Variants in TGIF1 observed in about 807,000 individuals in gnomAD.
TGIF1 encodes TGFB induced factor homeobox 1.
A neutral mutation model predicts 19.3 loss-of-function variants in TGIF1; 4 were observed. That is an observed-to-expected ratio of 0.21 (90% CI 0.10 to 0.47). The LOEUF (loss-of-function observed/expected upper bound fraction) is 0.47. Ranked by LOEUF, TGIF1 falls within the 20% of genes least tolerant of loss-of-function variation. The pLI, the probability that TGIF1 is intolerant of heterozygous loss-of-function variation, is 0.98. For missense variants in TGIF1, 275 were observed against 341.4 expected, an observed-to-expected ratio of 0.81 and a Z score of 1.53; for synonymous variants, 122 against 129.3, an observed-to-expected ratio of 0.94 and a Z score of 0.38.
intron 1 of TGIF1, chr18:3,455,774 CAT>C (rs778596730): frequency 3.8e-4 from 61 of 159,502 alleles, no homozygotes; most frequent in Non-Finnish European, 7.4e-4. Context: ...AAAATTTTAA[CAT>C]GTGTTTTACC....
At chr18:3,420,388 AAAAAT>A (rs2082386151) in intron 2 of TGIF1, among the ~76,000 whole-genome samples, 1 of 152,146 alleles carries the variant, frequency 6.6e-6, no homozygotes, top group Non-Finnish European at 1.5e-5. Flanking sequence ...CTCTCAAAAA[AAAAAT>A]AATATTAATA....
intron 2 of TGIF1, among the ~76,000 whole-genome samples, chr18:3,444,082 G>A (rs1236299416): frequency 6.6e-6 from 1 of 151,240 alleles, no homozygotes; most frequent in East Asian, 2.0e-4. Flanking sequence ...CTACAGGCGC[G>A]TGCCACCACT....
chr18:3,451,513 A>G lies in TGIF1; in HGVS notation c.16+1008A>G, dbSNP rs915750283. On this transcript the variant is annotated intron_variant, in intron 1 of 2. Coordinates refer to ENST00000343820, the MANE Select transcript of TGIF1 (RefSeq NM_003244.4). This position sits in a 1 kb window ranked among gnomAD's most constrained non-coding sequence, Gnocchi z 5.4. ...TGATTTATGTGGAGTGGTTCAAAACAGAAGTTAATCACTCGGGAAGCGGAC... is the reference window on the plus strand; with the variant it reads ...TGATTTATGTGGAGTGGTTCAAAACGGAAGTTAATCACTCGGGAAGCGGAC... 8 of 995,676 alleles carry G rather than the reference A, an allele frequency of 8.0e-6. No individual in the cohort carries two copies. Among genetic ancestry groups the G allele is most frequent in the Non-Finnish European group, 9.6e-6 (8 of 837,510 alleles). The allele number at this position is 995,676 out of a possible 1,614,324, so 61.7% of individuals were successfully genotyped here. A position where few individuals can be genotyped will look rare whatever the true frequency, so the allele number is the denominator to read the frequency against.
chr18:3,414,743 A>C (rs1254306565), intron 1 of TGIF1, among the ~76,000 whole-genome samples: 1 of 152,052 alleles, frequency 6.6e-6, no homozygotes, highest in Non-Finnish European at 1.5e-5. Flanking sequence ...ATTTTTTTTC[A>C]TCAAAACCCC....
At chr18:3,422,414 G>A (rs2082412244) in intron 2 of TGIF1, among the ~76,000 whole-genome samples, 1 of 150,356 alleles carries the variant, frequency 6.7e-6, no homozygotes, top group Admixed American at 6.6e-5. Context: ...TTAGTGTTGT[G>A]ACAAAGTCAA....
chr18:3,412,663 C>T (rs975137246), intron 1 of TGIF1, among the ~76,000 whole-genome samples: 7 of 152,156 alleles, frequency 4.6e-5, no homozygotes, highest in Non-Finnish European at 8.8e-5. Flanking sequence ...AGTGGGCCCC[C>T]AGGACCTGGC....
chr18:3,445,499 C>A (rs188812206), upstream of TGIF1, among the ~76,000 whole-genome samples: 6 of 150,942 alleles, frequency 4.0e-5, no homozygotes, highest in Non-Finnish European at 7.4e-5. Flanking sequence ...CTGAGGCGGG[C>A]GGATCATGAG....
At chr18:3,424,207 A>G (rs1289318052) in intron 2 of TGIF1, among the ~76,000 whole-genome samples, 1 of 152,160 alleles carries the variant, frequency 6.6e-6, no homozygotes, top group African/African-American at 2.4e-5. Context: ...ATTATAAGTA[A>G]TCATCAGTAA....
intron 2 of TGIF1, among the ~76,000 whole-genome samples, chr18:3,434,720 G>T (rs562784041): frequency 6.6e-6 from 1 of 151,918 alleles, no homozygotes; most frequent in Non-Finnish European, 1.5e-5. Flanking sequence ...CTCAGAAAAC[G>T]AAAATAAATA....
At chr18:3,415,322 A>AGCAGAACTGGAATCTTATGATGC in intron 1 of TGIF1, 1 of 320,974 alleles carries the variant, frequency 3.1e-6, no homozygotes, top group South Asian at 2.7e-5. Context: ...CACCTGGATG[A>AGCAGAACTGGAATCTTATGATGC]GCAGAACTGG....
At chr18:3,426,065 T>C (rs1446551141) in intron 2 of TGIF1, among the ~76,000 whole-genome samples, 1 of 152,050 alleles carries the variant, frequency 6.6e-6, no homozygotes, top group Non-Finnish European at 1.5e-5. Context: ...CTATTTTGTT[T>C]GGTATATGGC....
chr18:3,456,213 C>T lies in TGIF1; in HGVS notation c.17-141C>T. 1.1e-6 allele frequency: 1 copy of T among 876,492 alleles called. No individual in the cohort carries two copies. Among genetic ancestry groups the T allele is most frequent in the Non-Finnish European group, 1.9e-6 (1 of 519,370 alleles). The allele number at this position is 876,492 out of a possible 1,614,324, so 54.3% of individuals were successfully genotyped here. On this transcript the variant is annotated intron_variant, in intron 1 of 2. Coordinates refer to ENST00000343820, the MANE Select transcript of TGIF1 (RefSeq NM_003244.4). This position sits in a 1 kb window ranked among gnomAD's most constrained non-coding sequence, Gnocchi z 4.2. ...ACTACTTTTACTTGGACCCTGAATT[C>T]AGGACAGAAAACACTGCTCCTTCTC...
chr18:3,450,078 G>A, upstream of TGIF1: 1 of 1,041,462 alleles, frequency 9.6e-7, no homozygotes, highest in Non-Finnish European at 1.2e-6. Context: ...AAGGTGCGGG[G>A]GAGGGGCGGA....
At chr18:3,412,118 G>C (rs2082278553) in exon 1 of TGIF1, 1 of 153,474 alleles carries the variant, frequency 6.5e-6, no homozygotes, top group South Asian at 1.9e-4. Flanking sequence ...GCCGAGGGCC[G>C]CAGGGAGCCA....
At chr18:3,448,215 C>T (rs938858391), upstream of TGIF1, 2 of 985,300 alleles carry the variant, frequency 2.0e-6, no homozygotes, top group Non-Finnish European at 2.4e-6. Context: ...GAGGCTCCTG[C>T]CACTCAGGCC....
upstream of TGIF1, chr18:3,449,594 GGGA>G (rs1249625341): frequency 6.4e-6 from 6 of 943,642 alleles, no homozygotes; most frequent in Admixed American, 1.2e-4. Flanking sequence ...GAAGAGCCCC[GGGA>G]GGAGAAGGGT....
At chr18:3,437,379 T>A (rs1357313860) in intron 2 of TGIF1, among the ~76,000 whole-genome samples, 4 of 152,184 alleles carry the variant, frequency 2.6e-5, no homozygotes, top group Non-Finnish European at 5.9e-5. Flanking sequence ...CAGATAAGGA[T>A]TTCCTAGCAG....
chr18:3,417,486 C>G (rs28505224), intron 1 of TGIF1, among the ~76,000 whole-genome samples: 9,907 of 152,184 alleles, frequency 0.065, 1,045 homozygotes, highest in African/African-American at 0.22. Context: ...TCTACTACAT[C>G]CAGAGAAATA....
upstream of TGIF1, chr18:3,449,837 T>G: frequency 1.0e-6 from 1 of 985,438 alleles, no homozygotes. Flanking sequence ...TTCCATCTGT[T>G]GCAGTTTCCG....
Sources: gnomAD v4.1 joint callset for allele counts (sites outside exome capture counted in the v4.1 genomes callset) on GRCh38, gnomAD v4.1.1 for gene constraint, Gnocchi (gnomAD v3.1) non-coding constraint, MANE v1.5 for transcripts, NCBI Gene and HGNC (gene_info 2026-07-23, HGNC 2026-07-21) for gene names.